Variants in CDH12 observed in about 807,000 individuals in gnomAD.
The protein encoded by CDH12 is cadherin 12, also known as cadherin-12.
CDH12 carries 41 observed loss-of-function variants against 74.1 expected under a neutral mutation model. The ratio of observed to expected loss-of-function variants is 0.55; its 90% CI spans 0.43 to 0.72. The LOEUF is 0.72. Among genes scored for constraint, CDH12 ranks in the 30% least tolerant of loss-of-function variants. The pLI, the probability that CDH12 is intolerant of heterozygous loss-of-function variation, is 0.00. For missense variants in CDH12, 945 were observed against 977.2 expected, an observed-to-expected ratio of 0.97 and a Z score of 0.44; for synonymous variants, 399 against 355.0, an observed-to-expected ratio of 1.12 and a Z score of -1.39.
At chr5:22,761,276 C>G (rs1038420250) in intron 1 of CDH12, among the ~76,000 whole-genome samples, 1 of 152,076 alleles carries the variant, frequency 6.6e-6, no homozygotes. Flanking sequence ...GGGTTTTATA[C>G]TAGGAGCAGG....
At chr5:22,812,387 T>C (rs1184041796) in intron 1 of CDH12, among the ~76,000 whole-genome samples, 9 of 152,184 alleles carry the variant, frequency 5.9e-5, no homozygotes, top group Non-Finnish European at 1.3e-4. Context: ...CAAACACATA[T>C]GCTCTACTGT....
At chr5:22,557,215 T>C (rs1738836916) in intron 1 of CDH12, among the ~76,000 whole-genome samples, 1 of 152,142 alleles carries the variant, frequency 6.6e-6, no homozygotes, top group South Asian at 2.1e-4. Context: ...TTTCACATAT[T>C]CTAAGGGAAA....
intron 1 of CDH12, among the ~76,000 whole-genome samples, chr5:22,736,829 T>C (rs1380965089): frequency 6.6e-6 from 1 of 151,846 alleles, no homozygotes; most frequent in Admixed American, 6.6e-5. Context: ...TTTTCAAAGC[T>C]CCATAGAGTT....
chr5:21,987,289 A>C (rs1293320901), intron 5 of CDH12, among the ~76,000 whole-genome samples: 3 of 152,190 alleles, frequency 2.0e-5, no homozygotes, highest in African/African-American at 7.2e-5. Context: ...AATACATGCA[A>C]AGTATACATG....
intron 1 of CDH12, among the ~76,000 whole-genome samples, chr5:22,784,837 A>G (rs1747546922): frequency 6.6e-6 from 1 of 152,186 alleles, no homozygotes; most frequent in Non-Finnish European, 1.5e-5. Flanking sequence ...ATGGCAAGTG[A>G]TAATGAGGTT....
chr5:22,473,945 A>T (rs1433629919), intron 2 of CDH12, among the ~76,000 whole-genome samples: 1 of 152,130 alleles, frequency 6.6e-6, no homozygotes. Context: ...ATGCCCTGAG[A>T]CATAGATAAT....
chr5:22,703,833 A>C (rs1186991958), intron 1 of CDH12, among the ~76,000 whole-genome samples: 1 of 152,120 alleles, frequency 6.6e-6, no homozygotes, highest in Non-Finnish European at 1.5e-5. Context: ...TTTCATCCTA[A>C]ATGTCTCTAC....
intron 6 of CDH12, among the ~76,000 whole-genome samples, chr5:21,931,347 G>A (rs1169020616): frequency 4.6e-5 from 7 of 152,052 alleles, no homozygotes; most frequent in Non-Finnish European, 1.0e-4. Flanking sequence ...ACCATCTGGG[G>A]GTGTCTAATT....
At chr5:21,759,248 G>C (rs1744576591) in intron 13 of CDH12, among the ~76,000 whole-genome samples, 1 of 150,284 alleles carries the variant, frequency 6.7e-6, no homozygotes. Context: ...ATCTGTAATT[G>C]TTAAGTGGCT....
At chr5:22,759,090 C>G (rs1746075622) in intron 1 of CDH12, among the ~76,000 whole-genome samples, 1 of 151,794 alleles carries the variant, frequency 6.6e-6, no homozygotes, top group African/African-American at 2.4e-5. Flanking sequence ...CAAACAAGTC[C>G]AAAAGATTGC....
intron 3 of CDH12, among the ~76,000 whole-genome samples, chr5:22,327,671 C>T (rs2150442725): frequency 6.6e-6 from 1 of 152,292 alleles, no homozygotes; most frequent in Non-Finnish European, 1.5e-5. Flanking sequence ...CTTACTACTC[C>T]ATTACCTCCC....
chr5:22,293,700 A>G (rs1737502462), intron 3 of CDH12, among the ~76,000 whole-genome samples: 2 of 152,188 alleles, frequency 1.3e-5, no homozygotes, highest in Non-Finnish European at 1.5e-5. Flanking sequence ...GATGACATGG[A>G]TGAACCTGGA....
At chr5:22,151,241 T>A (rs1379151613) in intron 4 of CDH12, among the ~76,000 whole-genome samples, 2 of 151,410 alleles carry the variant, frequency 1.3e-5, no homozygotes, top group East Asian at 3.9e-4. Context: ...ATACTGAAAC[T>A]CTGTTTGTGA....
chr5:22,105,590 C>T (rs894454632), intron 4 of CDH12, among the ~76,000 whole-genome samples: 3 of 151,228 alleles, frequency 2.0e-5, no homozygotes, highest in South Asian at 2.1e-4. Flanking sequence ...TTCAGCTACT[C>T]GGGAGGCTGA....
intron 5 of CDH12, among the ~76,000 whole-genome samples, chr5:22,075,347 A>G (rs926094836): frequency 6.7e-6 from 1 of 150,296 alleles, no homozygotes; most frequent in Non-Finnish European, 1.5e-5. Context: ...GCATTAGGAG[A>G]TATACCTAAT....
At chr5:22,664,952 G>T (rs1168262295) in intron 1 of CDH12, among the ~76,000 whole-genome samples, 1 of 152,118 alleles carries the variant, frequency 6.6e-6, no homozygotes, top group African/African-American at 2.4e-5. Context: ...GGTTTTGTTT[G>T]TTTATTTGTT....
At chr5:22,839,219 A>T (rs1008630776) in intron 1 of CDH12, among the ~76,000 whole-genome samples, 2 of 152,230 alleles carry the variant, frequency 1.3e-5, no homozygotes, top group African/African-American at 4.8e-5. Flanking sequence ...ACAACAAAAT[A>T]GATGAAAATA....
intron 3 of CDH12, among the ~76,000 whole-genome samples, chr5:22,298,079 A>G (rs901920972): frequency 6.6e-6 from 1 of 151,088 alleles, no homozygotes; most frequent in Non-Finnish European, 1.5e-5. Flanking sequence ...TCCTTAACAT[A>G]CCTCATTTTG....
At chr5:22,103,954 G>T (rs1744289017) in intron 4 of CDH12, among the ~76,000 whole-genome samples, 1 of 152,138 alleles carries the variant, frequency 6.6e-6, no homozygotes, top group Admixed American at 6.5e-5. Context: ...ATCGCACTTT[G>T]CATCATTATG....
Sources: allele counts gnomAD v4.1 joint callset (sites outside exome capture counted in the v4.1 genomes callset), GRCh38; gene constraint gnomAD v4.1.1; transcripts MANE v1.5; gene names NCBI Gene and HGNC (gene_info 2026-07-23, HGNC 2026-07-21).